NBEAL1: variants seen among roughly 807,000 people sequenced by gnomAD.
The protein encoded by NBEAL1 is neurobeachin-like protein 1.
Under a neutral mutation model 351.3 loss-of-function variants are expected in NBEAL1, and 273 were observed. The ratio of observed to expected loss-of-function variants is 0.78; its 90% CI spans 0.70 to 0.86. The LOEUF is 0.86. Among genes scored for constraint, NBEAL1 ranks in the 40% least tolerant of loss-of-function variants. The probability of loss-of-function intolerance (pLI) is 0.00; values close to 1 mark genes in which losing one functional copy is unlikely to be tolerated. For missense variants in NBEAL1, 2,961 were observed against 3,201.3 expected (o/e 0.92, Z 1.81); for synonymous variants, 1,050 against 1,086.4 (o/e 0.97, Z 0.66).
chr2:203,056,933 G>C (rs958645306), intron 5 of NBEAL1, among the ~76,000 whole-genome samples: 1 of 152,100 alleles, frequency 6.6e-6, no homozygotes, highest in Admixed American at 6.5e-5. Flanking sequence ...ATTGAGAAGA[G>C]ACTTAAACTT....
rs549267425 is a variant in NBEAL1, at chr2:203,175,259, A to G, written c.6436A>G (p.Thr2146Ala). The G allele has an allele frequency of 8.7e-6, 14 of 1,613,584 alleles. No individual in the cohort carries two copies. The African/African-American group carries it at 1.9e-4, about 22-fold the overall frequency. Residue 2146 changes from threonine to alanine, a missense_variant, in exon 42 of 56, where the codon ACC becomes GCC. Thr to Ala is a moderately conservative substitution (Grantham distance 58, BLOSUM62 0). Coordinates refer to ENST00000683969, the MANE Select transcript of NBEAL1 (RefSeq NM_001378026.1). ...TCTCATTCGTGTAGAACCGTTCACCACCCTCCACATCCAACTTCAGAGTGG... is the reference window on the plus strand; with the variant it reads ...TCTCATTCGTGTAGAACCGTTCACCGCCCTCCACATCCAACTTCAGAGTGG... ...HYLIRVEPFT[T>A]LHIQLQSGRF...
chr2:203,071,207 G>A (rs1284981141), intron 7 of NBEAL1, among the ~76,000 whole-genome samples: 1 of 152,034 alleles, frequency 6.6e-6, no homozygotes, highest in Non-Finnish European at 1.5e-5. Flanking sequence ...CTGTAGACTG[G>A]GTGGCTTAAA....
At position 203,062,456 on chromosome 2, in the gene NBEAL1, G is replaced by T; in HGVS notation, c.515+5003G>T. ...CCTGCCCAGGGATCTTGCAGGGCCT[G>T]CAGGTCACAGGCAACAGAGGCTGCC... On this transcript the variant is annotated intron_variant, in intron 6 of 55. Transcript: ENST00000683969. This position sits in a 1 kb window ranked among gnomAD's most constrained non-coding sequence, Gnocchi z 4.2. 2 of 362,794 alleles carry T rather than the reference G, an allele frequency of 5.5e-6. No homozygotes were observed. The highest frequency in any genetic ancestry group is 1.1e-5 in the Non-Finnish European group (2 of 186,880). 22.5% of individuals were successfully genotyped at this position (362,794 alleles called of 1,614,324 possible). A position where few individuals can be genotyped will look rare whatever the true frequency, so the allele number is the denominator to read the frequency against.
chr2:203,028,041 G>A (rs974978020), intron 2 of NBEAL1, among the ~76,000 whole-genome samples: 32 of 151,982 alleles, frequency 2.1e-4, no homozygotes, highest in Non-Finnish European at 1.5e-5. Flanking sequence ...GTGCCACCAC[G>A]CCTAGCTAAT....
In NBEAL1 at chr2:203,116,066, C is replaced by T; in HGVS notation, c.2588C>T (p.Ala863Val). 1 of 1,550,062 alleles carries T rather than the reference C, an allele frequency of 6.5e-7. No homozygotes were observed. The highest frequency in any genetic ancestry group is 8.7e-7 in the Non-Finnish European group (1 of 1,144,530). The change falls in exon 18 of 56, where the codon GCA becomes GTA. Residue 863 changes from alanine (A) to valine (V), a missense_variant. Physicochemically the swap from Ala to Val is moderately conservative, Grantham distance 64. Coordinates refer to ENST00000683969, the MANE Select transcript of NBEAL1 (RefSeq NM_001378026.1). Reference protein sequence around the residue: ...LPGNILLYYTAKACKNSICLD... With the variant: ...LPGNILLYYTVKACKNSICLD... ...GGTAACATCCTTCTTTACTACACAG[C>T]AAAGGTCAGAGTAAATTTGTGAACT...
Position 203,138,300 on chromosome 2 carries a change from C to T in NBEAL1, c.4704C>T (p.Asn1568=), listed in dbSNP as rs773575388. 1 of 1,612,410 alleles carries T rather than the reference C, an allele frequency of 6.2e-7. No individual in the cohort carries two copies. Among genetic ancestry groups the T allele is most frequent in the South Asian group, 1.1e-5 (1 of 90,456 alleles). ...FLQSEGLVNS[N]MWTEKLLEDM... ...AGTCAGAGGGACTAGTTAATTCAAACATGTGGACCGAGAAGGTGCAGTAAT... is the reference window on the plus strand; with the variant it reads ...AGTCAGAGGGACTAGTTAATTCAAATATGTGGACCGAGAAGGTGCAGTAAT... Residue 1568 remains asparagine (N), a synonymous_variant, in exon 30 of 56, where the codon AAC becomes AAT. Coordinates refer to ENST00000683969, the MANE Select transcript of NBEAL1 (RefSeq NM_001378026.1).
intron 51 of NBEAL1, among the ~76,000 whole-genome samples, chr2:203,207,171 C>T (rs1269184079): frequency 6.7e-6 from 1 of 149,104 alleles, no homozygotes; most frequent in Non-Finnish European, 1.5e-5. Flanking sequence ...AGTGAGGAGC[C>T]CCTCCGCCCG....
chr2:203,042,989 A>G lies in NBEAL1; in HGVS notation c.143+1133A>G, dbSNP rs1302098044. Among the ~76,000 whole-genome samples the G allele has an allele frequency of 2.6e-5, 4 of 152,272 alleles. No individual in the cohort carries two copies. The East Asian group carries it at 5.8e-4, about 22-fold the overall frequency. The stretch of plus-strand genomic sequence containing the variant: ...TCAGGTGTAATCCATAGGGCTTATT[A>G]TGAATAACAAAAGACATTCTGAATA... On this transcript the variant is annotated intron_variant, in intron 3 of 55. Transcript: ENST00000683969.
intron 10 of NBEAL1, among the ~76,000 whole-genome samples, chr2:203,090,263 T>C (rs548105866): frequency 6.6e-6 from 1 of 152,322 alleles, no homozygotes; most frequent in Admixed American, 6.5e-5. Flanking sequence ...ATATATTCCA[T>C]GAACTCTAGG....
At chr2:203,193,300 A>T (rs946677370) in intron 46 of NBEAL1, among the ~76,000 whole-genome samples, 1 of 152,020 alleles carries the variant, frequency 6.6e-6, no homozygotes, top group Non-Finnish European at 1.5e-5. Context: ...TTGTCAAGGA[A>T]TTAAAGATTC....
intron 44 of NBEAL1, among the ~76,000 whole-genome samples, chr2:203,187,004 G>C (rs2064916396): frequency 6.6e-6 from 1 of 152,176 alleles, no homozygotes; most frequent in South Asian, 2.1e-4. Context: ...TTTTATCCAA[G>C]ACCATATTTT....
At chr2:203,149,941 C>G (rs186634324) in intron 34 of NBEAL1, among the ~76,000 whole-genome samples, 3 of 151,998 alleles carry the variant, frequency 2.0e-5, no homozygotes, top group African/African-American at 7.2e-5. Flanking sequence ...AGGATATATC[C>G]CTTTTCTTTA....
rs147949048 is a variant in NBEAL1, at chr2:203,027,164, A to G, written c.51+10729A>G. 3.3e-3 allele frequency among the ~76,000 whole-genome samples: 506 copies of G among 152,320 alleles called. 4 individuals carry two copies. The highest frequency in any genetic ancestry group is 0.012 in the African/African-American group (488 of 41,566). The stretch of plus-strand genomic sequence containing the variant: ...GAAATGTGCCATAGCCATATTTGAA[A>G]TCCTTTGAAGGTATCAGAATTCAGG... On this transcript the variant is annotated intron_variant, in intron 2 of 55. Transcript: ENST00000683969.
In NBEAL1 at chr2:203,157,832, A is replaced by G; in HGVS notation, c.5714+7A>G. ...TAACAGCTAGAGTAAATGTGTATGT[A>G]TAAATATTTAAAATTATTTTGTTCT... is the stretch of plus-strand genomic sequence containing the variant. On this transcript the variant is annotated splice_region_variant and intron_variant, in intron 36 of 55. Transcript: ENST00000683969. 3 of 1,507,610 alleles carry G rather than the reference A, an allele frequency of 2.0e-6. No homozygotes were observed. Among genetic ancestry groups the G allele is most frequent in the Non-Finnish European group, 2.6e-6 (3 of 1,133,080 alleles). 93.4% of individuals were successfully genotyped at this position (1,507,610 alleles called of 1,614,324 possible). A position where few individuals can be genotyped will look rare whatever the true frequency, so the allele number is the denominator to read the frequency against.
intron 51 of NBEAL1, among the ~76,000 whole-genome samples, chr2:203,203,317 TATTG>T (rs2065454723): frequency 1.3e-4 from 20 of 151,154 alleles, no homozygotes; most frequent in South Asian, 2.1e-4. Context: ...ATTTTTTTTT[TATTG>T]TATTTTTTGT....
chr2:203,083,251 T>C lies in NBEAL1; in HGVS notation c.717T>C (p.Thr239=), dbSNP rs767396234. 1.9e-6 allele frequency: 3 copies of C among 1,551,818 alleles called. No individual in the cohort carries two copies. The highest frequency in any genetic ancestry group is 2.6e-6 in the Non-Finnish European group (3 of 1,146,984). The part of the protein sequence containing the change: ...RNALQAISPA[T]MEVLMRVLAD... ...CTTTGCAAGCAATTTCTCCAGCCAC[T>C]ATGGAAGTTCTTATGCGAGTATTGG... The change falls in exon 9 of 56, where the codon ACT becomes ACC. Residue 239 remains threonine, a synonymous_variant. Transcript: ENST00000683969.
chr2:203,104,106 T>C (rs2062382873), intron 12 of NBEAL1, among the ~76,000 whole-genome samples: 1 of 152,166 alleles, frequency 6.6e-6, no homozygotes, highest in East Asian at 1.9e-4. Flanking sequence ...GTCCTGTAGA[T>C]CTCTACTAGG....
At chr2:203,116,457 G>A (rs1032867038) in intron 18 of NBEAL1, among the ~76,000 whole-genome samples, 7 of 151,926 alleles carry the variant, frequency 4.6e-5, no homozygotes, top group Non-Finnish European at 8.8e-5. Flanking sequence ...GAAAGAAAGA[G>A]AAGAAAAAAT....
At chr2:203,211,264 A>G (rs1364313635) in intron 54 of NBEAL1, among the ~76,000 whole-genome samples, 158 bp downstream of exon 54, 3 of 152,124 alleles carry the variant, frequency 2.0e-5, no homozygotes, top group Non-Finnish European at 4.4e-5. Context: ...GAGCTAAAGT[A>G]TTCCTAGATT....
Sources: allele counts gnomAD v4.1 joint callset (sites outside exome capture counted in the v4.1 genomes callset), GRCh38; gene constraint gnomAD v4.1.1; non-coding constraint Gnocchi (gnomAD v3.1); transcripts MANE v1.5; gene names NCBI Gene and HGNC (gene_info 2026-07-23, HGNC 2026-07-21).